The following DSCC1 variants were observed in gnomAD, a reference collection of about 807,000 sequenced individuals.
DSCC1 encodes the protein DNA replication and sister chromatid cohesion 1.
A neutral mutation model predicts 48.2 loss-of-function variants in DSCC1; 32 were observed. The observed-to-expected ratio is 0.66, with a 90% CI of 0.50 to 0.89. The LOEUF (loss-of-function observed/expected upper bound fraction) is 0.89. Ranked by LOEUF, DSCC1 falls within the 40% of genes least tolerant of loss-of-function variation. The pLI is 0.00. For synonymous variants in DSCC1, 150 were observed against 171.5 expected, an observed-to-expected ratio of 0.87 and a Z score of 0.98; for missense variants, 421 against 471.7, an observed-to-expected ratio of 0.89 and a Z score of 1.00.
At chr8:119,850,358 TA>T in intron 3 of DSCC1, 23 bp downstream of exon 3, 1 of 1,549,104 alleles carries the variant, frequency 6.5e-7, no homozygotes, top group Admixed American at 2.3e-5. Flanking sequence ...AAATTCCAAA[TA>T]AAAAAGTGAA....
chr8:119,847,963 C>T (rs1175828878), intron 3 of DSCC1, among the ~76,000 whole-genome samples: 7 of 151,744 alleles, frequency 4.6e-5, no homozygotes, highest in Non-Finnish European at 1.0e-4. Context: ...CCCCGCCTGG[C>T]CTCTTTTTGT....
intron 8 of DSCC1, 105 bp from the exon 9 acceptor site, chr8:119,835,106 A>G: frequency 1.3e-6 from 1 of 763,448 alleles, no homozygotes; most frequent in East Asian, 2.9e-5. Context: ...CTGTCTTCTC[A>G]ACAAGCGTAA....
intron 3 of DSCC1, among the ~76,000 whole-genome samples, chr8:119,847,372 A>C (rs984152425): frequency 3.3e-5 from 5 of 152,342 alleles, no homozygotes; most frequent in Non-Finnish European, 5.9e-5. Context: ...CAAAATAATA[A>C]ACTTTTGCAC....
chr8:119,843,473 G>A (rs954859862), intron 5 of DSCC1, 136 bp downstream of exon 5: 15 of 1,263,678 alleles, frequency 1.2e-5, no homozygotes, highest in East Asian at 9.9e-5. Context: ...AATCTTCTTC[G>A]GTTGTAATTG....
chr8:119,847,119 T>G, intron 3 of DSCC1, 39 bp from the exon 4 acceptor site: 14 of 1,540,252 alleles, frequency 9.1e-6, no homozygotes, highest in Middle Eastern at 2.0e-4. Flanking sequence ...CTTTGAAGAA[T>G]ATTTTGTTTT....
chr8:119,835,046 C>T (rs746196959), intron 8 of DSCC1, 45 bp from the exon 9 acceptor site: 1 of 1,292,450 alleles, frequency 7.7e-7, no homozygotes, highest in Non-Finnish European at 1.1e-6. Flanking sequence ...TTTTAGGGAA[C>T]ATATTATGAT....
At position 119,841,734 on chromosome 8, in the gene DSCC1, A is replaced by G. The variant is rs949957880; in HGVS notation, c.924+60T>C. Reference sequence around the variant, plus strand: ...TTCCAAATTCAGCTCCAACTCAAGTATCATTCACCTAGTAATTAATCAACT... The same window carrying G: ...TTCCAAATTCAGCTCCAACTCAAGTGTCATTCACCTAGTAATTAATCAACT... On this transcript the variant is annotated intron_variant, in intron 7 of 8. Coordinates refer to ENST00000313655, the MANE Select transcript of DSCC1 (RefSeq NM_024094.3). The G allele has an allele frequency of 2.5e-6, 4 of 1,572,746 alleles. No individual in the cohort carries two copies. In the African/African-American group the frequency reaches 4.0e-5, roughly 16 times the overall value.
At chr8:119,846,732 T>C (rs185611180) in intron 4 of DSCC1, among the ~76,000 whole-genome samples, 4 of 152,168 alleles carry the variant, frequency 2.6e-5, no homozygotes, top group South Asian at 2.1e-4. Flanking sequence ...CCAGCTAATT[T>C]TGTATTTTTA....
intron 3 of DSCC1, among the ~76,000 whole-genome samples, chr8:119,849,183 T>TAAAAA (rs1826907670): frequency 6.9e-5 from 1 of 14,498 alleles, no homozygotes; most frequent in Non-Finnish European, 1.3e-4. Context: ...AGACTCCCTC[T>TAAAAA]CAAAAAAAAA....
Position 119,841,846 on chromosome 8 carries a change from A to G in DSCC1, c.872T>C (p.Val291Ala), listed in dbSNP as rs1250529851. ...TCCTTCAGGAACACTCTGCTGCCAC[A>G]CTTCTTGAAACTCAGCGAGATTGAA... ...VKFNLAEFQE[V>A]WQQSVPEGMV... The change falls in exon 7 of 9, where the codon GTG (valine) becomes GCG (alanine). Residue 291 changes from valine to alanine, a missense_variant. By Grantham distance (64) the Val-to-Ala change is moderately conservative (BLOSUM62 0). Around this residue, in one of 3 missense-constraint regions of DSCC1, gnomAD observed 238 missense variants for 259.0 expected, o/e 0.92. Transcript: ENST00000313655. 6.2e-7 allele frequency: 1 copy of G among 1,613,970 alleles called. No homozygotes were observed. Among genetic ancestry groups the G allele is most frequent in the African/African-American group, 1.3e-5 (1 of 74,928 alleles).
chr8:119,842,707 G>A (rs375559076), intron 6 of DSCC1, 69 bp downstream of exon 6: 10 of 1,433,730 alleles, frequency 7.0e-6, no homozygotes, highest in African/African-American at 4.2e-5. Context: ...TTTTAACACC[G>A]ACAGGCTTTA....
At chr8:119,854,861 G>A (rs1234049790) in intron 1 of DSCC1, among the ~76,000 whole-genome samples, 1 of 152,148 alleles carries the variant, frequency 6.6e-6, no homozygotes, top group African/African-American at 2.4e-5. Flanking sequence ...GGTGGGCAAA[G>A]TACGAAAACT....
At chr8:119,841,088 T>C (rs1391011981) in intron 7 of DSCC1, among the ~76,000 whole-genome samples, 1 of 151,242 alleles carries the variant, frequency 6.6e-6, no homozygotes, top group Non-Finnish European at 1.5e-5. Flanking sequence ...GCCTCCCAGG[T>C]TCAAGCAATT....
chr8:119,851,795 A>G (rs1027699591), intron 2 of DSCC1, among the ~76,000 whole-genome samples: 2 of 152,106 alleles, frequency 1.3e-5, no homozygotes, highest in African/African-American at 2.4e-5. Flanking sequence ...CTGAGGTTCA[A>G]TCACGGATTA....
chr8:119,847,182 T>G, intron 3 of DSCC1, 102 bp from the exon 4 acceptor site: 1 of 912,500 alleles, frequency 1.1e-6, no homozygotes. Context: ...ATTAAGGCAA[T>G]ATTTATGCAC....
At chr8:119,836,477 T>C (rs1266487332) in intron 8 of DSCC1, among the ~76,000 whole-genome samples, 6 of 152,066 alleles carry the variant, frequency 3.9e-5, no homozygotes, top group African/African-American at 1.4e-4. Context: ...AGGTACAAGA[T>C]GATCCATCAG....
intron 1 of DSCC1, among the ~76,000 whole-genome samples, chr8:119,853,475 A>T (rs1163648603): frequency 2.6e-5 from 4 of 152,008 alleles, no homozygotes. Flanking sequence ...CCAAGAGGCC[A>T]AATGGCACTA....
Position 119,841,826 on chromosome 8 carries a change from C to T in DSCC1, c.892G>A (p.Glu298Lys). Residue 298 changes from glutamate (E) to lysine (K), a missense_variant, in exon 7 of 9, where the codon GAA becomes AAA. Physicochemically the swap from Glu to Lys is moderately conservative, Grantham distance 56 (BLOSUM62 1). Transcript: ENST00000313655. ...FQEVWQQSVP[E>K]GMVTSLDQLK... ...TGATCAAGACTAGTTACCATTCCTT[C>T]AGGAACACTCTGCTGCCACACTTCT... is the stretch of plus-strand genomic sequence containing the variant. 1 of 1,614,048 alleles carries T rather than the reference C, an allele frequency of 6.2e-7. No homozygotes were observed.
chr8:119,850,351 T>C, intron 3 of DSCC1, 31 bp downstream of exon 3: 1 of 1,547,132 alleles, frequency 6.5e-7, no homozygotes, highest in Non-Finnish European at 8.7e-7. Flanking sequence ...AGTTGTTAAA[T>C]TCCAAATAAA....
Sources: allele counts gnomAD v4.1 joint callset (sites outside exome capture counted in the v4.1 genomes callset), GRCh38; gene constraint gnomAD v4.1.1; regional missense constraint gnomAD v4.1.1; transcripts MANE v1.5; gene names NCBI Gene and HGNC (gene_info 2026-07-23, HGNC 2026-07-21).